GALNT18: variants seen among roughly 807,000 people sequenced by gnomAD.
GALNT18 encodes polypeptide N-acetylgalactosaminyltransferase 18, also known as GalNAc-transferase 18.
A neutral mutation model predicts 69.5 loss-of-function variants in GALNT18; 44 were observed. The observed-to-expected ratio is 0.63, with a 90% CI of 0.50 to 0.81. GALNT18 has a LOEUF of 0.81. Among genes scored for constraint, GALNT18 ranks in the 40% least tolerant of loss-of-function variants. GALNT18 has a pLI of 0.00. For synonymous variants in GALNT18, 364 were observed against 318.2 expected (o/e 1.14, Z -1.53); for missense variants, 715 against 810.0 (o/e 0.88, Z 1.42).
At position 11,587,820 on chromosome 11, in the gene GALNT18, A is replaced by G. The variant is rs1859261512; in HGVS notation, c.235+33539T>C. 6.6e-6 allele frequency among the ~76,000 whole-genome samples: 1 copy of G among 152,036 alleles called. No individual in the cohort carries two copies. Among genetic ancestry groups the G allele is most frequent in the South Asian group, 2.1e-4 (1 of 4,822 alleles). ...TCTCTAGCCCCCACCCTTTCATTTC[A>G]TGAACCTCTTCTATGGTCCAAAGAA... On this transcript the variant is annotated intron_variant, in intron 1 of 10. Coordinates refer to ENST00000227756, the MANE Select transcript of GALNT18 (RefSeq NM_198516.3). The surrounding 1 kb of genome is among the most constrained non-coding windows in gnomAD (Gnocchi z 4.4).
chr11:11,403,968 C>T (rs192066616), intron 3 of GALNT18, among the ~76,000 whole-genome samples: 2 of 152,354 alleles, frequency 1.3e-5, no homozygotes, highest in South Asian at 2.1e-4. Flanking sequence ...CGGAGGATCC[C>T]TGTCCTCAAT....
At chr11:11,585,613 C>G (rs1859197338) in intron 1 of GALNT18, among the ~76,000 whole-genome samples, 1 of 152,146 alleles carries the variant, frequency 6.6e-6, no homozygotes, top group Non-Finnish European at 1.5e-5. Flanking sequence ...ACCTTGGCCT[C>G]CCAAAGTGCT....
intron 1 of GALNT18, among the ~76,000 whole-genome samples, chr11:11,589,500 C>A (rs72853859): frequency 2.6e-5 from 4 of 152,308 alleles, no homozygotes; most frequent in Non-Finnish European, 5.9e-5. Context: ...CCATGGCTCC[C>A]CTTTTGCTGT....
Position 11,606,820 on chromosome 11 carries a change from C to T in GALNT18, c.235+14539G>A, listed in dbSNP as rs1017651734. ...TCAAATCAGGATCCCTAGACCCTAT[C>T]CAGGGCCTCCAGGACCCAGTAGAGG... On this transcript the variant is annotated intron_variant, in intron 1 of 10. Transcript: ENST00000227756. This position sits in a 1 kb window ranked among gnomAD's most constrained non-coding sequence, Gnocchi z 5.4. 1.8e-4 allele frequency among the ~76,000 whole-genome samples: 27 copies of T among 152,192 alleles called. No homozygotes were observed. Among genetic ancestry groups the T allele is most frequent in the African/African-American group, 5.8e-4 (24 of 41,444 alleles).
intron 1 of GALNT18, among the ~76,000 whole-genome samples, chr11:11,471,630 T>C (rs184939656): frequency 1.8e-4 from 28 of 152,290 alleles, no homozygotes; most frequent in African/African-American, 6.3e-4. Flanking sequence ...ATAAAGTCCA[T>C]AGCACAGGAC....
intron 6 of GALNT18, among the ~76,000 whole-genome samples, chr11:11,369,791 G>A (rs1373136812): frequency 6.6e-6 from 1 of 150,992 alleles, no homozygotes; most frequent in East Asian, 1.9e-4. Flanking sequence ...TTCTCATTGT[G>A]TTGCCGACTT....
intron 3 of GALNT18, among the ~76,000 whole-genome samples, chr11:11,425,163 C>T (rs1430877206): frequency 6.6e-6 from 1 of 152,212 alleles, no homozygotes; most frequent in East Asian, 1.9e-4. Flanking sequence ...GGACAGTTTC[C>T]TTCTGCCCAT....
chr11:11,510,222 A>G (rs1857140555), intron 1 of GALNT18, among the ~76,000 whole-genome samples: 1 of 152,232 alleles, frequency 6.6e-6, no homozygotes, highest in South Asian at 2.1e-4. Context: ...AGGGTGTGGA[A>G]AGCCTCACAA....
intron 9 of GALNT18, among the ~76,000 whole-genome samples, chr11:11,305,783 A>G (rs57843561): frequency 0.014 from 2,078 of 152,340 alleles, 49 homozygotes; most frequent in African/African-American, 0.047. Context: ...GAGGGCAGAC[A>G]CCATGTTTGT....
intron 1 of GALNT18, among the ~76,000 whole-genome samples, chr11:11,504,653 G>A (rs1857036465): frequency 6.6e-6 from 1 of 152,114 alleles, no homozygotes; most frequent in African/African-American, 2.4e-5. Context: ...AGCTACTCAG[G>A]AGGCTGAGGT....
rs1464511990 is a variant in GALNT18, at chr11:11,496,503, G to A, written c.236-47567C>T. On this transcript the variant is annotated intron_variant, in intron 1 of 10. Coordinates refer to ENST00000227756, the MANE Select transcript of GALNT18 (RefSeq NM_198516.3). This position sits in a 1 kb window ranked among gnomAD's most constrained non-coding sequence, Gnocchi z 4.0. ...TGCTGGAAAAATAAAACAGAAGATGGTTCTTAGGAAAAGATTTCCTCTTCA... is the reference window on the plus strand; with the variant it reads ...TGCTGGAAAAATAAAACAGAAGATGATTCTTAGGAAAAGATTTCCTCTTCA... Among the ~76,000 whole-genome samples the A allele has an allele frequency of 6.6e-6, 1 of 152,172 alleles. No individual in the cohort carries two copies. Among genetic ancestry groups the A allele is most frequent in the African/African-American group, 2.4e-5 (1 of 41,446 alleles).
chr11:11,379,286 CT>C, intron 3 of GALNT18, 22 bp from the exon 4 acceptor site: 1 of 1,604,074 alleles, frequency 6.2e-7, no homozygotes, highest in Non-Finnish European at 8.5e-7. Context: ...AAAATGCAGC[CT>C]TAGCATGGGA....
chr11:11,311,197 C>A (rs530556597), intron 9 of GALNT18, among the ~76,000 whole-genome samples: 1 of 152,174 alleles, frequency 6.6e-6, no homozygotes, highest in African/African-American at 2.4e-5. Flanking sequence ...TACTAAGAAA[C>A]GGGACCAAAG....
At chr11:11,411,046 C>G (rs1854715017) in intron 3 of GALNT18, among the ~76,000 whole-genome samples, 1 of 152,216 alleles carries the variant, frequency 6.6e-6, no homozygotes, top group South Asian at 2.1e-4. Context: ...GGTGCAGTGG[C>G]TCATGCCTGT....
chr11:11,363,373 G>C (rs571315841), intron 6 of GALNT18, among the ~76,000 whole-genome samples: 554 of 152,284 alleles, frequency 3.6e-3, no homozygotes, highest in African/African-American at 0.013. Flanking sequence ...TTCTAGATAA[G>C]TGTGGATAAT....
chr11:11,276,560 C>T (rs1480789657), intron 10 of GALNT18, among the ~76,000 whole-genome samples: 1 of 152,150 alleles, frequency 6.6e-6, no homozygotes, highest in African/African-American at 2.4e-5. Flanking sequence ...CCAGAACTTC[C>T]CATACTATGT....
intron 1 of GALNT18, among the ~76,000 whole-genome samples, chr11:11,489,921 A>T (rs979279693): frequency 6.6e-6 from 1 of 152,174 alleles, no homozygotes; most frequent in African/African-American, 2.4e-5. Context: ...GTCTGGCTCT[A>T]GCCTCAGGGG....
chr11:11,420,192 G>A (rs1167751836), intron 3 of GALNT18, among the ~76,000 whole-genome samples: 1 of 151,646 alleles, frequency 6.6e-6, no homozygotes, highest in Non-Finnish European at 1.5e-5. Flanking sequence ...CCACGGGAGA[G>A]AGCAGATTTC....
chr11:11,554,377 C>A (rs543765806), intron 1 of GALNT18, among the ~76,000 whole-genome samples: 102 of 150,708 alleles, frequency 6.8e-4, no homozygotes, highest in African/African-American at 2.4e-3. Flanking sequence ...GACGGGGAGG[C>A]ACAGGTAGCC....
Sources: allele counts gnomAD v4.1 joint callset (sites outside exome capture counted in the v4.1 genomes callset), GRCh38; gene constraint gnomAD v4.1.1; non-coding constraint Gnocchi (gnomAD v3.1); transcripts MANE v1.5; gene names NCBI Gene and HGNC (gene_info 2026-07-23, HGNC 2026-07-21).